CMIP: variants seen among roughly 807,000 people sequenced by gnomAD.
CMIP encodes c-Maf inducing protein.
Under a neutral mutation model 97.3 loss-of-function variants are expected in CMIP, and 13 were observed. The ratio of observed to expected loss-of-function variants is 0.13; its 90% CI spans 0.09 to 0.21. The LOEUF is 0.21. Among genes scored for constraint, CMIP ranks in the 10% least tolerant of loss-of-function variants. The probability of loss-of-function intolerance (pLI) is 1.00; values close to 1 mark genes in which losing one functional copy is unlikely to be tolerated. For synonymous variants in CMIP, 538 were observed against 436.3 expected (o/e 1.23, Z -2.91); for missense variants, 847 against 1,024.9 (o/e 0.83, Z 2.37).
intron 2 of CMIP, among the ~76,000 whole-genome samples, chr16:81,612,883 C>T (rs1156249056): frequency 1.3e-5 from 2 of 152,130 alleles, no homozygotes; most frequent in Admixed American, 6.5e-5. Context: ...TCAGAGTGAC[C>T]CTCGGGGTTC....
chr16:81,690,583 G>T (rs909583052), intron 10 of CMIP, among the ~76,000 whole-genome samples: 1 of 152,052 alleles, frequency 6.6e-6, no homozygotes, highest in Admixed American at 6.6e-5. Context: ...AGCTCACTGC[G>T]GCCTCCGCCT....
chr16:81,697,926 C>CG (rs1906935229), intron 14 of CMIP: 6 of 152,548 alleles, frequency 3.9e-5, no homozygotes, highest in Admixed American at 3.9e-4. Context: ...ACCTCTCTCG[C>CG]GCTCTCGGTC....
At chr16:81,615,556 CTG>C (rs778392196) in intron 2 of CMIP, among the ~76,000 whole-genome samples, 40 of 119,416 alleles carry the variant, frequency 3.3e-4, no homozygotes, top group East Asian at 5.2e-4. Flanking sequence ...GCATGTGTAA[CTG>C]TATGGTGCGT....
intron 6 of CMIP, among the ~76,000 whole-genome samples, chr16:81,662,273 G>A (rs1369421196): frequency 6.6e-6 from 1 of 152,212 alleles, no homozygotes; most frequent in Non-Finnish European, 1.5e-5. Flanking sequence ...TCTGGTTCTA[G>A]AACACTGGAT....
rs533217639 is a variant in CMIP, at chr16:81,667,598, C to T, written c.826-2544C>T. Among the ~76,000 whole-genome samples the T allele has an allele frequency of 1.5e-4, 23 of 152,230 alleles. No individual in the cohort carries two copies. The South Asian group carries it at 4.6e-3, about 30-fold the overall frequency. On this transcript the variant is annotated intron_variant, in intron 7 of 20. Coordinates refer to ENST00000537098, the MANE Select transcript of CMIP (RefSeq NM_198390.3). The stretch of plus-strand genomic sequence containing the variant: ...TCTCTGTTGAAGCAGTTTACAAAAT[C>T]ATAAAACCCTCGTGGTGGAAGGGGG...
chr16:81,683,761 T>C (rs1255247918), intron 10 of CMIP, among the ~76,000 whole-genome samples: 10 of 129,480 alleles, frequency 7.7e-5, no homozygotes, highest in East Asian at 2.1e-4. Context: ...TTTTTCTTTT[T>C]TTTTTTTTTT....
chr16:81,573,657 G>C (rs967417857), intron 1 of CMIP, among the ~76,000 whole-genome samples: 2 of 152,160 alleles, frequency 1.3e-5, no homozygotes, highest in Non-Finnish European at 2.9e-5. Flanking sequence ...GGGAGGTCTA[G>C]CCAGCAGGAC....
At chr16:81,574,274 C>G (rs1397250784) in intron 1 of CMIP, among the ~76,000 whole-genome samples, 1 of 151,988 alleles carries the variant, frequency 6.6e-6, no homozygotes, top group Non-Finnish European at 1.5e-5. Context: ...CCACGGCCCC[C>G]TCCTCCAACT....
Position 81,621,193 on chromosome 16 carries a change from G to C in CMIP, c.477+267G>C, listed in dbSNP as rs2091987662. On this transcript the variant is annotated intron_variant, in intron 3 of 20. Transcript: ENST00000537098. The surrounding 1 kb of genome is among the most constrained non-coding windows in gnomAD (Gnocchi z 4.1). ...CCTGCTTCAAAAGGATCATAGAACT[G>C]CTTGCTCTCAGAGTGAGGGCGACCC... 2.7e-6 allele frequency: 1 copy of C among 369,584 alleles called. No individual in the cohort carries two copies. The highest frequency in any genetic ancestry group is 2.1e-5 in the African/African-American group (1 of 48,742). 22.9% of individuals were successfully genotyped at this position (369,584 alleles called of 1,614,324 possible).
chr16:81,690,903 G>A (rs1362576541), intron 10 of CMIP, among the ~76,000 whole-genome samples: 1 of 152,146 alleles, frequency 6.6e-6, no homozygotes, highest in African/African-American at 2.4e-5. Flanking sequence ...TCCAGCCTGG[G>A]CAACAGAGTA....
At position 81,445,163 on chromosome 16, in the gene CMIP, C is replaced by T; in HGVS notation, c.-79C>T. The T allele has an allele frequency of 3.3e-6, 3 of 906,020 alleles. No homozygotes were observed. The highest frequency in any genetic ancestry group is 4.5e-6 in the Non-Finnish European group (3 of 663,930). The allele number at this position is 906,020 out of a possible 1,614,324, so 56.1% of individuals were successfully genotyped here. On this transcript the variant is annotated 5_prime_UTR_variant, in exon 1 of 21. Transcript: ENST00000537098. ...CGGGGGGTGGGGGGGTGCGGGCCGCCGGATCCGGGGGCCCCGCCGCCCCAG... is the reference window on the plus strand; with the variant it reads ...CGGGGGGTGGGGGGGTGCGGGCCGCTGGATCCGGGGGCCCCGCCGCCCCAG...
chr16:81,526,020 G>C (rs987422923), intron 1 of CMIP, among the ~76,000 whole-genome samples: 2 of 151,414 alleles, frequency 1.3e-5, no homozygotes, highest in African/African-American at 4.9e-5. Context: ...GTGTGTGTGT[G>C]TGTGTTCGTC....
intron 1 of CMIP, among the ~76,000 whole-genome samples, chr16:81,537,773 T>C (rs1156597711): frequency 6.6e-6 from 1 of 152,148 alleles, no homozygotes; most frequent in African/African-American, 2.4e-5. Flanking sequence ...GGATTAGCCA[T>C]GAGGATTTCA....
rs2092092998 is a variant in CMIP, at chr16:81,627,684, C to T, written c.477+6758C>T. On this transcript the variant is annotated intron_variant, in intron 3 of 20. Transcript: ENST00000537098. The surrounding 1 kb of genome is among the most constrained non-coding windows in gnomAD (Gnocchi z 4.6). Reference sequence around the variant, plus strand: ...ACAGTTCTGTGGGGTCCACATCCCTCCCCCATCTCATAGCAGAGGGGACTG... The same window carrying T: ...ACAGTTCTGTGGGGTCCACATCCCTTCCCCATCTCATAGCAGAGGGGACTG... Among the ~76,000 whole-genome samples, 1 of 152,152 alleles carries T rather than the reference C, an allele frequency of 6.6e-6. No homozygotes were observed. Among genetic ancestry groups the T allele is most frequent in the Admixed American group, 6.5e-5 (1 of 15,282 alleles).
intron 4 of CMIP, among the ~76,000 whole-genome samples, chr16:81,654,121 T>G (rs2092458134): frequency 1.3e-5 from 2 of 152,202 alleles, no homozygotes; most frequent in Admixed American, 1.3e-4. Context: ...AGGGCAGTGC[T>G]GAGGGCAGCA....
chr16:81,539,317 C>T (rs1482800359), intron 1 of CMIP, among the ~76,000 whole-genome samples: 1 of 152,160 alleles, frequency 6.6e-6, no homozygotes, highest in Non-Finnish European at 1.5e-5. Context: ...AACCAGGCGT[C>T]CTTGGGGGTG....
intron 10 of CMIP, among the ~76,000 whole-genome samples, chr16:81,688,105 T>TG (rs57753717): frequency 0.033 from 5,077 of 152,232 alleles, 154 homozygotes; most frequent in African/African-American, 0.08. Context: ...CAGGGTCGGA[T>TG]GGGGGTGACA....
At position 81,620,990 on chromosome 16, in the gene CMIP, A is replaced by G. The variant is rs369109988; in HGVS notation, c.477+64A>G. ...GCAGTGGTGCGATGGCTTAAAGCCA[A>G]TCTGTCACCCAGAGGCATGAAAGTG... is the stretch of plus-strand genomic sequence containing the variant. On this transcript the variant is annotated intron_variant, in intron 3 of 20. Coordinates refer to ENST00000537098, the MANE Select transcript of CMIP (RefSeq NM_198390.3). The G allele has an allele frequency of 8.1e-5, 130 of 1,595,450 alleles. No individual in the cohort carries two copies. In the African/African-American group the frequency reaches 9.9e-4, roughly 12 times the overall value.
intron 1 of CMIP, among the ~76,000 whole-genome samples, chr16:81,581,935 T>A (rs529126599): frequency 6.6e-6 from 1 of 152,318 alleles, no homozygotes; most frequent in Non-Finnish European, 1.5e-5. Flanking sequence ...GGAGGTTTAA[T>A]GGGCTCACGG....
Sources: allele counts gnomAD v4.1 joint callset (sites outside exome capture counted in the v4.1 genomes callset), GRCh38; gene constraint gnomAD v4.1.1; non-coding constraint Gnocchi (gnomAD v3.1); transcripts MANE v1.5; gene names NCBI Gene and HGNC (gene_info 2026-07-23, HGNC 2026-07-21).